Variants in UTRN observed in about 807,000 individuals in gnomAD.
UTRN encodes the protein utrophin.
Under a neutral mutation model 463.9 loss-of-function variants are expected in UTRN, and 283 were observed. The ratio of observed to expected loss-of-function variants is 0.61; its 90% CI spans 0.55 to 0.67. UTRN has a LOEUF of 0.67. Among genes scored for constraint, UTRN ranks in the 30% least tolerant of loss-of-function variants. The pLI, the probability that UTRN is intolerant of heterozygous loss-of-function variation, is 0.00. For missense variants in UTRN, 3,922 were observed against 4,084.3 expected (o/e 0.96, Z 1.08); for synonymous variants, 1,442 against 1,431.5 (o/e 1.01, Z -0.17).
At chr6:144,422,291 A>G (rs1444246576) in intron 4 of UTRN, among the ~76,000 whole-genome samples, 2 of 152,208 alleles carry the variant, frequency 1.3e-5, no homozygotes, top group South Asian at 2.1e-4. Context: ...GAGTCTGGAG[A>G]CAAACACATT....
intron 51 of UTRN, among the ~76,000 whole-genome samples, chr6:144,675,792 C>G (rs957044580): frequency 1.3e-5 from 2 of 152,082 alleles, no homozygotes; most frequent in African/African-American, 4.8e-5. Context: ...TTTTGGTTTT[C>G]CTGGTATGTT....
At chr6:144,312,960 C>T (rs559089706) in intron 2 of UTRN, among the ~76,000 whole-genome samples, 1 of 152,288 alleles carries the variant, frequency 6.6e-6, no homozygotes, top group Admixed American at 6.5e-5. Context: ...TACAGTGGCT[C>T]AAATAAAATC....
At chr6:144,565,577 G>A (rs192677285) in intron 50 of UTRN, among the ~76,000 whole-genome samples, 217 of 152,254 alleles carry the variant, frequency 1.4e-3, no homozygotes, top group Middle Eastern at 6.8e-3. Flanking sequence ...GTGAAAAAAC[G>A]CAGATTTGTC....
rs149037814 is a variant in UTRN at position 144,557,379 on chromosome 6, C to T, written c.7289+68C>T. 8.6e-6 allele frequency: 13 copies of T among 1,512,754 alleles called. No individual in the cohort carries two copies. The East Asian group carries it at 1.2e-4, about 14-fold the overall frequency. 93.7% of individuals were successfully genotyped at this position (1,512,754 alleles called of 1,614,324 possible). On this transcript the variant is annotated intron_variant, in intron 50 of 74. Coordinates refer to ENST00000367545, the MANE Select transcript of UTRN (RefSeq NM_007124.3). ...GAGAATTTGATGGCTTTGGCTTTCTCGTGGAAACCTGCCAAACATGTGGCT... is the reference window on the plus strand; with the variant it reads ...GAGAATTTGATGGCTTTGGCTTTCTTGTGGAAACCTGCCAAACATGTGGCT...
At chr6:144,849,959 C>T (rs763065211) in intron 74 of UTRN, among the ~76,000 whole-genome samples, 3 of 152,132 alleles carry the variant, frequency 2.0e-5, no homozygotes, top group Non-Finnish European at 4.4e-5. Flanking sequence ...TTACTGTGGC[C>T]GGCACTTACC....
intron 25 of UTRN, among the ~76,000 whole-genome samples, chr6:144,477,236 G>A (rs77790112): frequency 0.01 from 1,528 of 152,234 alleles, 35 homozygotes; most frequent in African/African-American, 0.035. Flanking sequence ...GCTGAAGTGA[G>A]TGACAAAGCA....
rs181111258 is a variant in UTRN at position 144,761,446 on chromosome 6, G to C, written c.8495+3457G>C. Among the ~76,000 whole-genome samples the C allele has an allele frequency of 5.3e-5, 8 of 152,062 alleles. No homozygotes were observed. In the East Asian group the frequency reaches 1.5e-3, roughly 29 times the overall value. ...GAGGCGGGTGGATTGCTTGCCCCCA[G>C]GAGTTCAAGACCAGCCTGAGCAACA... On this transcript the variant is annotated intron_variant, in intron 58 of 74. Transcript: ENST00000367545.
intron 12 of UTRN, 79 bp downstream of exon 12, chr6:144,438,974 C>G: frequency 6.9e-7 from 1 of 1,452,236 alleles, no homozygotes; most frequent in Non-Finnish European, 9.5e-7. Flanking sequence ...CTGATGACAT[C>G]TATCGTTAAC....
Position 144,709,351 on chromosome 6 carries a change from T to C in UTRN, c.7809+9108T>C, listed in dbSNP as rs146746366. Among the ~76,000 whole-genome samples, 18 of 152,320 alleles carry C rather than the reference T, an allele frequency of 1.2e-4. No individual in the cohort carries two copies. In the East Asian group the frequency reaches 3.5e-3, roughly 29 times the overall value. ...TCTTTTCATTTAGTCTTGTCTATTATTATAAATTCTGTTAGTATTTTTTCT... is the reference window on the plus strand; with the variant it reads ...TCTTTTCATTTAGTCTTGTCTATTACTATAAATTCTGTTAGTATTTTTTCT... On this transcript the variant is annotated intron_variant, in intron 53 of 74. Coordinates refer to ENST00000367545, the MANE Select transcript of UTRN (RefSeq NM_007124.3).
chr6:144,429,953 A>G (rs1343225343), intron 9 of UTRN, among the ~76,000 whole-genome samples: 1 of 152,190 alleles, frequency 6.6e-6, no homozygotes, highest in Non-Finnish European at 1.5e-5. Context: ...TAAGAAGGAA[A>G]ATACTTTATT....
intron 46 of UTRN, among the ~76,000 whole-genome samples, chr6:144,547,766 C>T (rs1295075550): frequency 6.6e-6 from 1 of 152,040 alleles, no homozygotes. Flanking sequence ...AGGGCATATT[C>T]CTCTATCAAA....
intron 69 of UTRN, among the ~76,000 whole-genome samples, chr6:144,834,583 A>G (rs1780949311): frequency 6.6e-6 from 1 of 152,172 alleles, no homozygotes; most frequent in East Asian, 1.9e-4. Context: ...GAATTTTCAA[A>G]CCAGAATTAC....
intron 31 of UTRN, 150 bp from the exon 32 acceptor site, chr6:144,490,779 A>T: frequency 2.4e-6 from 2 of 828,912 alleles, no homozygotes; most frequent in South Asian, 4.6e-5. Flanking sequence ...CCTCACTGAG[A>T]TTCATTAGGA....
intron 4 of UTRN, 101 bp downstream of exon 4, chr6:144,422,071 T>A: frequency 2.2e-6 from 2 of 901,466 alleles, no homozygotes; most frequent in South Asian, 2.1e-5. Context: ...CATTTTACTT[T>A]ACGTTCAAAT....
rs1805401506 is a variant in UTRN, at chr6:144,302,792, G to A, written c.79+10885G>A. ...AGTAAGAGAGCGTGAAAGAGGCAAG[G>A]AATTTGAGGTGTGCCTTGAAGGATG... On this transcript the variant is annotated intron_variant, in intron 2 of 74. Transcript: ENST00000367545. Among the ~76,000 whole-genome samples, 3 of 152,280 alleles carry A rather than the reference G, an allele frequency of 2.0e-5. No homozygotes were observed. In the South Asian group the frequency reaches 6.2e-4, roughly 32 times the overall value.
At chr6:144,295,175 A>C (rs1186579746) in intron 2 of UTRN, among the ~76,000 whole-genome samples, 1 of 152,246 alleles carries the variant, frequency 6.6e-6, no homozygotes, top group Non-Finnish European at 1.5e-5. Context: ...TTGCCAGTAG[A>C]GTGTGTGATG....
intron 2 of UTRN, among the ~76,000 whole-genome samples, chr6:144,302,045 C>T (rs1170865250): frequency 1.3e-5 from 2 of 152,208 alleles, no homozygotes; most frequent in African/African-American, 2.4e-5. Context: ...ATCAGTGCCA[C>T]CAGGTGTTCT....
intron 52 of UTRN, among the ~76,000 whole-genome samples, chr6:144,684,456 C>T (rs1489817615): frequency 6.6e-6 from 1 of 152,150 alleles, no homozygotes; most frequent in Non-Finnish European, 1.5e-5. Flanking sequence ...TTTACTTTAT[C>T]TGTAAATGCC....
At chr6:144,789,377 T>C in intron 62 of UTRN, 98 bp downstream of exon 62, 1 of 1,040,208 alleles carries the variant, frequency 9.6e-7, no homozygotes, top group Non-Finnish European at 1.4e-6. Context: ...TTAGTAGTAA[T>C]AGTTCTCTCT....
Sources: gnomAD v4.1 joint callset for allele counts (sites outside exome capture counted in the v4.1 genomes callset) on GRCh38, gnomAD v4.1.1 for gene constraint, MANE v1.5 for transcripts, NCBI Gene and HGNC (gene_info 2026-07-23, HGNC 2026-07-21) for gene names.